Variants in PQBP1 observed in about 807,000 individuals in gnomAD.
The protein encoded by PQBP1 is polyglutamine binding protein 1.
A neutral mutation model predicts 20.9 loss-of-function variants in PQBP1; 3 were observed. That is an observed-to-expected ratio of 0.14 (90% CI 0.07 to 0.37). The LOEUF is 0.37. Among genes scored for constraint, PQBP1 ranks in the 10% least tolerant of loss-of-function variants. The probability of loss-of-function intolerance (pLI) is 1.00; values close to 1 mark genes in which losing one functional copy is unlikely to be tolerated. For synonymous variants in PQBP1, 83 were observed against 93.8 expected, an observed-to-expected ratio of 0.88 and a Z score of 0.67; for missense variants, 162 against 240.3, an observed-to-expected ratio of 0.67 and a Z score of 2.16.
chrX:48,902,134 A>G, intron 4 of PQBP1, 92 bp downstream of exon 4: 1 of 1,208,120 alleles, frequency 8.3e-7, no homozygotes, highest in South Asian at 1.8e-5. Context: ...GGGGCAGGTG[A>G]GACCAGGCGG....
intron 2 of PQBP1, among the ~76,000 whole-genome samples, chrX:48,900,121 G>C (rs1236915024): frequency 9.4e-5 from 10 of 106,790 alleles, no homozygotes; most frequent in Non-Finnish European, 1.6e-4. Context: ...CGTGGTGCCA[G>C]ATGCCTGTAG....
rs782792216 is a variant in PQBP1, at chrX:48,902,481, C to T, written c.541C>T (p.Arg181Trp). ...GGGCAAAGAACGGCGCCACCATCGCCGGGAGGAGCTGGCTCCCTATCCCAA... is the reference window on the plus strand; with the variant it reads ...GGGCAAAGAACGGCGCCACCATCGCTGGGAGGAGCTGGCTCCCTATCCCAA... ...EEGKERRHHRREELAPYPKSK... is the reference protein window; with the variant it reads ...EEGKERRHHRWEELAPYPKSK... Residue 181 changes from arginine (R) to tryptophan (W), a missense_variant, in exon 5 of 7, where the codon CGG (arginine) becomes TGG (tryptophan). Physicochemically the swap from Arg to Trp is moderately radical, Grantham distance 101. Coordinates refer to ENST00000447146, the MANE Select transcript of PQBP1 (RefSeq NM_001032382.2). 18 of 1,206,534 alleles carry T rather than the reference C, an allele frequency of 1.5e-5. No individual in the cohort carries two copies. The highest frequency in any genetic ancestry group is 1.1e-4 in the South Asian group (6 of 55,743).
At chrX:48,899,118 C>T (rs1215449776) in intron 2 of PQBP1, among the ~76,000 whole-genome samples, 1 of 109,448 alleles carries the variant, frequency 9.1e-6, no homozygotes, top group Admixed American at 9.8e-5. Context: ...GCTGGGATTA[C>T]AGGCACGTGA....
intron 4 of PQBP1, 52 bp from the exon 5 acceptor site, chrX:48,902,181 G>A: frequency 1.7e-6 from 2 of 1,209,744 alleles, no homozygotes; most frequent in East Asian, 3.0e-5. Context: ...TGAAGGCAGA[G>A]GCTGCTGGGT....
intron 2 of PQBP1, among the ~76,000 whole-genome samples, chrX:48,899,355 T>C (rs2063366610): frequency 8.9e-6 from 1 of 111,987 alleles, no homozygotes; most frequent in Non-Finnish European, 1.9e-5. Context: ...TTTAGGAGGC[T>C]GAGGCGGGTA....
intron 3 of PQBP1, 188 bp downstream of exon 3, chrX:48,901,489 C>CT (rs1282377078): frequency 2.1e-6 from 2 of 968,014 alleles, no homozygotes; most frequent in African/African-American, 3.9e-5. Flanking sequence ...TCTTTTCTCT[C>CT]TTTTTTGAAA....
At position 48,898,019 on chromosome X, in the gene PQBP1, C is replaced by T; in HGVS notation, c.-82C>T. 3 of 994,154 alleles carry T rather than the reference C, an allele frequency of 3.0e-6. No individual in the cohort carries two copies. The highest frequency in any genetic ancestry group is 3.9e-6 in the Non-Finnish European group (3 of 765,558). 81.9% of individuals were successfully genotyped at this position (994,154 alleles called of 1,213,427 possible). On this transcript the variant is annotated 5_prime_UTR_variant, in exon 1 of 7. Transcript: ENST00000447146. ...AAGAGAGTCGTGTGGGCCCAGGTAT[C>T]GTAGCGGCGACACGAGAGAGACGGG...
chrX:48,899,009 G>A (rs1407634887), intron 2 of PQBP1, among the ~76,000 whole-genome samples: 2 of 84,466 alleles, frequency 2.4e-5, no homozygotes, highest in Non-Finnish European at 4.6e-5. Flanking sequence ...ACAGAGTCTC[G>A]GTCTGTCGCC....
intron 2 of PQBP1, among the ~76,000 whole-genome samples, chrX:48,899,639 A>G (rs2063372356): frequency 9.0e-6 from 1 of 111,015 alleles, no homozygotes; most frequent in South Asian, 3.8e-4. Flanking sequence ...CCTAATGCCT[A>G]TTTGGGGCCT....
chrX:48,898,243 G>A, intron 1 of PQBP1, 161 bp downstream of exon 1: 1 of 855,465 alleles, frequency 1.2e-6, no homozygotes, highest in Non-Finnish European at 1.7e-6. Flanking sequence ...TGTGGGCGGA[G>A]CCTGGGCCTG....
intron 2 of PQBP1, 22 bp from the exon 3 acceptor site, chrX:48,901,168 C>T (rs1557040982): frequency 8.3e-6 from 10 of 1,201,491 alleles, no homozygotes; most frequent in Non-Finnish European, 1.0e-5. Flanking sequence ...CTGCTCTCCT[C>T]ATCCCCACCT....
At chrX:48,900,419 G>A (rs1275412681) in intron 2 of PQBP1, among the ~76,000 whole-genome samples, 2 of 99,457 alleles carry the variant, frequency 2.0e-5, no homozygotes, top group East Asian at 3.4e-4. Context: ...TCAGCCTCCC[G>A]AGTAGCTAGG....
chrX:48,899,049 C>T (rs2063359926), intron 2 of PQBP1, among the ~76,000 whole-genome samples: 1 of 103,098 alleles, frequency 9.7e-6, no homozygotes, highest in Admixed American at 1.1e-4. Context: ...GTGATCTCGT[C>T]TCACTGCAAC....
At chrX:48,901,603 C>T in intron 3 of PQBP1, 1 of 500,852 alleles carries the variant, frequency 2.0e-6, no homozygotes, top group Non-Finnish European at 3.3e-6. Flanking sequence ...CTCAGCCTCC[C>T]AGGTAGCTGG....
chrX:48,902,614 A>G, intron 5 of PQBP1, 97 bp downstream of exon 5: 3 of 1,154,392 alleles, frequency 2.6e-6, no homozygotes, highest in Non-Finnish European at 3.5e-6. Context: ...ACCTGGGGCT[A>G]GAGGAGGGTG....
At chrX:48,899,818 T>C (rs1191782817) in intron 2 of PQBP1, among the ~76,000 whole-genome samples, 1 of 111,941 alleles carries the variant, frequency 8.9e-6, no homozygotes, top group Non-Finnish European at 1.9e-5. Context: ...CACCTTATTA[T>C]CAGTAATACT....
chrX:48,900,084 A>G (rs1172230836), intron 2 of PQBP1, among the ~76,000 whole-genome samples: 1 of 108,026 alleles, frequency 9.3e-6, no homozygotes, highest in African/African-American at 3.4e-5. Flanking sequence ...CCCCATCTCT[A>G]ATAAAAATAC....
In PQBP1 at chrX:48,902,365, G is replaced by C. The variant is rs782192919; in HGVS notation, c.425G>C (p.Arg142Pro). The change falls in exon 5 of 7, where the codon CGA (arginine) becomes CCA (proline). Residue 142 changes from arginine to proline, a missense_variant. Coordinates refer to ENST00000447146, the MANE Select transcript of PQBP1 (RefSeq NM_001032382.2). Reference sequence around the variant, plus strand: ...GGCCACGACAAGTCTGACAGGGATCGAGAGCGTGGCTATGACAAGGTAGAC... The same window carrying C: ...GGCCACGACAAGTCTGACAGGGATCCAGAGCGTGGCTATGACAAGGTAGAC... Reference protein sequence around the residue: ...DRGHDKSDRDRERGYDKVDRE... With the variant: ...DRGHDKSDRDPERGYDKVDRE... The C allele has an allele frequency of 8.3e-7, 1 of 1,208,630 alleles. No individual in the cohort carries two copies. The highest frequency in any genetic ancestry group is 3.0e-5 in the East Asian group (1 of 33,732).
chrX:48,899,348 A>G (rs1309163017), intron 2 of PQBP1, among the ~76,000 whole-genome samples: 1 of 112,083 alleles, frequency 8.9e-6, no homozygotes, highest in Non-Finnish European at 1.9e-5. Flanking sequence ...CCAGCACTTT[A>G]GGAGGCTGAG....
Sources: gnomAD v4.1 joint callset for allele counts (sites outside exome capture counted in the v4.1 genomes callset) on GRCh38, gnomAD v4.1.1 for gene constraint, MANE v1.5 for transcripts, NCBI Gene and HGNC (gene_info 2026-07-23, HGNC 2026-07-21) for gene names.